Variants in CNTN4 observed in about 807,000 individuals in gnomAD.
The protein encoded by CNTN4 is contactin 4.
A neutral mutation model predicts 122.5 loss-of-function variants in CNTN4; 77 were observed. The ratio of observed to expected loss-of-function variants is 0.63; its 90% CI spans 0.52 to 0.76. CNTN4 has a LOEUF of 0.76. Among genes scored for constraint, CNTN4 ranks in the 30% least tolerant of loss-of-function variants. CNTN4 has a pLI of 0.00. For synonymous variants in CNTN4, 512 were observed against 447.0 expected (o/e 1.15, Z -1.83); for missense variants, 1,256 against 1,259.1 (o/e 1.00, Z 0.04).
chr3:2,690,559 C>T (rs1404141409), intron 4 of CNTN4, among the ~76,000 whole-genome samples: 1 of 152,098 alleles, frequency 6.6e-6, no homozygotes, highest in Non-Finnish European at 1.5e-5. Flanking sequence ...GCTGCCTTTA[C>T]CATCCTTAAC....
At chr3:2,145,166 A>G (rs2125365474) in intron 2 of CNTN4, among the ~76,000 whole-genome samples, 1 of 152,340 alleles carries the variant, frequency 6.6e-6, no homozygotes, top group South Asian at 2.1e-4. Flanking sequence ...AGAAAGATGA[A>G]GAGAGTTTGT....
At chr3:2,620,029 C>G (rs962176166) in intron 4 of CNTN4, among the ~76,000 whole-genome samples, 3 of 151,872 alleles carry the variant, frequency 2.0e-5, no homozygotes, top group Non-Finnish European at 4.4e-5. Flanking sequence ...TAGTAATATA[C>G]TCTGTCCCAG....
intron 3 of CNTN4, among the ~76,000 whole-genome samples, chr3:2,381,878 A>G (rs1236319668): frequency 6.6e-6 from 1 of 152,130 alleles, no homozygotes; most frequent in Non-Finnish European, 1.5e-5. Flanking sequence ...TTTTCTATGA[A>G]GGTGCAAGGT....
intron 2 of CNTN4, among the ~76,000 whole-genome samples, chr3:2,120,248 A>T (rs928536825): frequency 6.6e-6 from 1 of 150,916 alleles, no homozygotes; most frequent in Non-Finnish European, 1.5e-5. Context: ...GCTGGATTCT[A>T]CTTTGAGAGT....
In CNTN4 at chr3:2,336,995, T is replaced by C. The variant is rs73117368; in HGVS notation, c.-144-2183T>C. Among the ~76,000 whole-genome samples the C allele has an allele frequency of 1.4e-3, 207 of 152,254 alleles. 1 individual carries two copies. Among genetic ancestry groups the C allele is most frequent in the African/African-American group, 4.6e-3 (192 of 41,566 alleles). On this transcript the variant is annotated intron_variant, in intron 2 of 24. Transcript: ENST00000418658. ...TGATGGTTCAATAGCTGTAGCCTAT[T>C]AGGTTGAATCACGTAGAACATAGGG...
At chr3:2,905,910 G>T (rs1167382374) in intron 12 of CNTN4, among the ~76,000 whole-genome samples, 1 of 152,202 alleles carries the variant, frequency 6.6e-6, no homozygotes, top group Admixed American at 6.5e-5. Context: ...TGCACATAGA[G>T]AATCTTCAGT....
intron 3 of CNTN4, among the ~76,000 whole-genome samples, chr3:2,507,541 C>G (rs2076764303): frequency 2.0e-5 from 3 of 151,738 alleles, no homozygotes. Context: ...CAAGACCAAC[C>G]TGGCCAACAT....
intron 5 of CNTN4, among the ~76,000 whole-genome samples, chr3:2,740,962 C>T (rs1353280022): frequency 6.6e-6 from 1 of 152,160 alleles, no homozygotes; most frequent in African/African-American, 2.4e-5. Context: ...TTCCAGGGCA[C>T]ATGGAATTGG....
At chr3:2,849,016 A>G (rs1023679926) in intron 7 of CNTN4, among the ~76,000 whole-genome samples, 1 of 152,200 alleles carries the variant, frequency 6.6e-6, no homozygotes, top group Non-Finnish European at 1.5e-5. Flanking sequence ...CCCAAAACAA[A>G]TGATGTCTAC....
At chr3:2,583,942 A>G (rs2080061771) in intron 4 of CNTN4, among the ~76,000 whole-genome samples, 1 of 152,218 alleles carries the variant, frequency 6.6e-6, no homozygotes, top group Admixed American at 6.5e-5. Flanking sequence ...TTACAGTATC[A>G]GAAGCTACTG....
At chr3:3,003,893 G>A (rs777707585) in intron 14 of CNTN4, among the ~76,000 whole-genome samples, 9 of 151,894 alleles carry the variant, frequency 5.9e-5, no homozygotes, top group Non-Finnish European at 1.2e-4. Flanking sequence ...GGGATTACAG[G>A]CGCACGCCAG....
At chr3:2,555,070 G>C (rs1198682130) in intron 3 of CNTN4, among the ~76,000 whole-genome samples, 1 of 152,134 alleles carries the variant, frequency 6.6e-6, no homozygotes, top group Non-Finnish European at 1.5e-5. Context: ...AATTCTTTTT[G>C]TCATAGATAA....
chr3:2,341,956 T>A, intron 3 of CNTN4, among the ~76,000 whole-genome samples: 1 of 152,166 alleles, frequency 6.6e-6, no homozygotes, highest in East Asian at 1.9e-4. Context: ...CTAGCCCCAG[T>A]AGACACTTGA....
At chr3:2,521,683 T>C (rs945300824) in intron 3 of CNTN4, among the ~76,000 whole-genome samples, 4 of 152,122 alleles carry the variant, frequency 2.6e-5, no homozygotes, top group African/African-American at 9.7e-5. Flanking sequence ...TAGTAAAATA[T>C]ATAGTGTTTA....
At chr3:3,036,069 T>C (rs1317515738) in intron 17 of CNTN4, among the ~76,000 whole-genome samples, 2 of 152,210 alleles carry the variant, frequency 1.3e-5, no homozygotes, top group Non-Finnish European at 2.9e-5. Flanking sequence ...CCCCACTCTG[T>C]CAGTACCTCC....
intron 3 of CNTN4, among the ~76,000 whole-genome samples, chr3:2,465,199 T>G (rs1674504321): frequency 6.6e-6 from 1 of 152,176 alleles, no homozygotes; most frequent in South Asian, 2.1e-4. Context: ...TTGAGATTAT[T>G]TTAGTAATCT....
chr3:2,626,815 T>C (rs2149991435), intron 4 of CNTN4, among the ~76,000 whole-genome samples: 1 of 152,306 alleles, frequency 6.6e-6, no homozygotes, highest in East Asian at 1.9e-4. Context: ...TACTAGATGC[T>C]AGAGATACAA....
chr3:2,576,484 T>A (rs1159292756), intron 4 of CNTN4, among the ~76,000 whole-genome samples: 3 of 152,154 alleles, frequency 2.0e-5, no homozygotes, highest in Non-Finnish European at 4.4e-5. Flanking sequence ...TGCCTTGAAG[T>A]CTATATCTTG....
At chr3:2,456,733 G>C (rs2049016977) in intron 3 of CNTN4, among the ~76,000 whole-genome samples, 2 of 152,022 alleles carry the variant, frequency 1.3e-5, no homozygotes, top group Admixed American at 1.3e-4. Context: ...ATATTCCACT[G>C]TGTATATATA....
Sources: allele counts gnomAD v4.1 joint callset (sites outside exome capture counted in the v4.1 genomes callset), GRCh38; gene constraint gnomAD v4.1.1; transcripts MANE v1.5; gene names NCBI Gene and HGNC (gene_info 2026-07-23, HGNC 2026-07-21).